Variants in PCBP3 observed in about 807,000 individuals in gnomAD.
PCBP3 encodes the protein poly(rC)-binding protein 3.
PCBP3 carries 25 observed loss-of-function variants against 52.7 expected under a neutral mutation model. That is an observed-to-expected ratio of 0.47 (90% CI 0.35 to 0.66). The LOEUF (loss-of-function observed/expected upper bound fraction) is 0.66, where lower values mean the gene tolerates loss of function less well. Among genes scored for constraint, PCBP3 ranks in the 30% least tolerant of loss-of-function variants. The pLI is 0.01. For synonymous variants in PCBP3, 162 were observed against 183.0 expected (o/e 0.89, Z 0.93); for missense variants, 391 against 490.3 (o/e 0.80, Z 1.91).
intron 5 of PCBP3, among the ~76,000 whole-genome samples, chr21:45,891,535 T>A (rs1364718811): frequency 1.3e-5 from 2 of 151,654 alleles, no homozygotes; most frequent in African/African-American, 4.8e-5. Flanking sequence ...AGTCCAGGAG[T>A]CTATAGTGAC....
At chr21:45,860,179 C>T (rs1723) in intron 5 of PCBP3, among the ~76,000 whole-genome samples, 2 of 8,976 alleles carry the variant, frequency 2.2e-4, no homozygotes, top group East Asian at 0.5. Context: ...AGCCGACATC[C>T]GGGCTGTGGC....
At chr21:45,937,719 G>C (rs912957542) in intron 16 of PCBP3, among the ~76,000 whole-genome samples, 1 of 152,230 alleles carries the variant, frequency 6.6e-6, no homozygotes, top group Non-Finnish European at 1.5e-5. Flanking sequence ...GTGGGGCCAG[G>C]TGGGAGGTGC....
intron 5 of PCBP3, among the ~76,000 whole-genome samples, chr21:45,879,089 G>T (rs2095338293): frequency 1.3e-5 from 2 of 152,110 alleles, no homozygotes; most frequent in South Asian, 4.2e-4. Flanking sequence ...AGGCTCAAGC[G>T]ATCCTCCCAT....
At chr21:45,716,557 A>G (rs1018926477) in intron 2 of PCBP3, among the ~76,000 whole-genome samples, 1 of 152,186 alleles carries the variant, frequency 6.6e-6, no homozygotes, top group East Asian at 1.9e-4. Context: ...TGCTGTAAGG[A>G]TACCAGTCCT....
chr21:45,893,534 T>G (rs2095737100), intron 5 of PCBP3, among the ~76,000 whole-genome samples: 1 of 51,152 alleles, frequency 2.0e-5, no homozygotes, highest in Non-Finnish European at 3.6e-5. Flanking sequence ...GAGGCACATC[T>G]GCAGATGGTG....
At chr21:45,676,606 A>G (rs545870128) in intron 2 of PCBP3, among the ~76,000 whole-genome samples, 3 of 152,116 alleles carry the variant, frequency 2.0e-5, no homozygotes, top group East Asian at 1.9e-4. Context: ...AAGATGTTCT[A>G]TGTGTTCTGA....
intron 6 of PCBP3, among the ~76,000 whole-genome samples, chr21:45,897,798 G>T (rs530319697): frequency 2.0e-5 from 3 of 152,296 alleles, no homozygotes; most frequent in South Asian, 4.1e-4. Flanking sequence ...CCGAGCTGCT[G>T]TGGGTCCTGG....
intron 5 of PCBP3, among the ~76,000 whole-genome samples, chr21:45,891,652 G>A (rs546787958): frequency 6.6e-6 from 1 of 152,310 alleles, no homozygotes; most frequent in Non-Finnish European, 1.5e-5. Flanking sequence ...CACCCCAGGG[G>A]TATACACGGG....
At chr21:45,886,933 G>T (rs1047491781) in intron 5 of PCBP3, among the ~76,000 whole-genome samples, 1 of 152,212 alleles carries the variant, frequency 6.6e-6, no homozygotes, top group Non-Finnish European at 1.5e-5. Flanking sequence ...GGCCTTTGCT[G>T]CGTGGGTGGG....
At chr21:45,678,305 C>CAA (rs201979527) in intron 2 of PCBP3, among the ~76,000 whole-genome samples, 12 of 132,346 alleles carry the variant, frequency 9.1e-5, no homozygotes, top group African/African-American at 3.0e-4. Context: ...GACTCCATCT[C>CAA]AAAAAAAAAA....
At chr21:45,863,146 A>C (rs2094571173) in intron 5 of PCBP3, among the ~76,000 whole-genome samples, 1 of 152,174 alleles carries the variant, frequency 6.6e-6, no homozygotes, top group Non-Finnish European at 1.5e-5. Flanking sequence ...CAAAGAAGAA[A>C]ACAGGGAAAG....
In PCBP3 at chr21:45,724,349, T is replaced by C. The variant is rs1191873161; in HGVS notation, c.-199-11043T>C. Among the ~76,000 whole-genome samples, 1 of 152,026 alleles carries C rather than the reference T, an allele frequency of 6.6e-6. No individual in the cohort carries two copies. The highest frequency in any genetic ancestry group is 1.5e-5 in the Non-Finnish European group (1 of 67,986). ...CCCTGAGTTATGAGAATGCAGTCTT[T>C]GGAAGTGGTGGGCTAAAACACTCCA... On this transcript the variant is annotated intron_variant, in intron 2 of 17. Coordinates refer to ENST00000681687, the MANE Select transcript of PCBP3 (RefSeq NM_001384156.1). The surrounding 1 kb of genome is among the most constrained non-coding windows in gnomAD (Gnocchi z 5.3).
chr21:45,882,269 G>C (rs2095421659), intron 5 of PCBP3, among the ~76,000 whole-genome samples: 1 of 152,134 alleles, frequency 6.6e-6, no homozygotes, highest in South Asian at 2.1e-4. Flanking sequence ...GCATTTTTCT[G>C]GTGATTAGTG....
intron 10 of PCBP3, among the ~76,000 whole-genome samples, chr21:45,909,888 CTGCCCAGAT>C: frequency 1.8e-5 from 2 of 109,144 alleles, no homozygotes; most frequent in Non-Finnish European, 3.8e-5. Context: ...CGGCCACCCA[CTGCCCAGAT>C]ACAGACCCGG....
chr21:45,914,381 T>C (rs369445), intron 12 of PCBP3: 318,722 of 490,714 alleles, frequency 0.65, 106,826 homozygotes, highest in African/African-American at 0.89. Flanking sequence ...GGAAACAGCA[T>C]GGTGAGAACC....
intron 15 of PCBP3, 48 bp from the exon 16 acceptor site, chr21:45,935,205 T>C: frequency 7.2e-7 from 1 of 1,389,270 alleles, no homozygotes; most frequent in Non-Finnish European, 1.0e-6. Context: ...GGAGTGTGAC[T>C]GTTAGCAGCC....
chr21:45,806,528 A>G (rs1171647478), intron 4 of PCBP3, among the ~76,000 whole-genome samples: 1 of 151,790 alleles, frequency 6.6e-6, no homozygotes, highest in African/African-American at 2.4e-5. Context: ...CTCTAGAATT[A>G]TGCTGGGAAA....
intron 1 of PCBP3, among the ~76,000 whole-genome samples, chr21:45,651,995 T>A (rs1178274539): frequency 6.6e-6 from 1 of 152,248 alleles, no homozygotes; most frequent in Non-Finnish European, 1.5e-5. Flanking sequence ...GACGCATTTG[T>A]GTATGAGATC....
rs1213958221 is a variant in PCBP3 at position 45,822,000 on chromosome 21, G to A, written c.-125-27961G>A. Among the ~76,000 whole-genome samples the A allele has an allele frequency of 2.0e-5, 3 of 152,224 alleles. No individual in the cohort carries two copies. Among genetic ancestry groups the A allele is most frequent in the East Asian group, 3.8e-4 (2 of 5,204 alleles). ...ATCAGACCCCAAAATCATGAGCCTT[G>A]AGAAATGATATTCCACATGCTCATC... On this transcript the variant is annotated intron_variant, in intron 4 of 17. Transcript: ENST00000681687. The surrounding 1 kb of genome is among the most constrained non-coding windows in gnomAD (Gnocchi z 4.4).
Sources: allele counts gnomAD v4.1 joint callset (sites outside exome capture counted in the v4.1 genomes callset), GRCh38; gene constraint gnomAD v4.1.1; non-coding constraint Gnocchi (gnomAD v3.1); transcripts MANE v1.5; gene names NCBI Gene and HGNC (gene_info 2026-07-23, HGNC 2026-07-21).